Variants in PTPRM observed in about 807,000 individuals in gnomAD.
The protein encoded by PTPRM is protein tyrosine phosphatase receptor type M.
Under a neutral mutation model 186.7 loss-of-function variants are expected in PTPRM, and 47 were observed. The ratio of observed to expected loss-of-function variants is 0.25; its 90% CI spans 0.20 to 0.32. The LOEUF (loss-of-function observed/expected upper bound fraction) is 0.32. PTPRM is among the 10% of genes least tolerant of loss of function. PTPRM has a pLI of 1.00. For synonymous variants in PTPRM, 668 were observed against 674.9 expected (o/e 0.99, Z 0.16); for missense variants, 1,494 against 1,865.0 (o/e 0.80, Z 3.66).
intron 14 of PTPRM, among the ~76,000 whole-genome samples, chr18:8,189,806 C>A (rs916552385): frequency 6.6e-6 from 1 of 152,176 alleles, no homozygotes; most frequent in African/African-American, 2.4e-5. Context: ...CTTTTAAAAT[C>A]CAACAAGATA....
chr18:7,910,986 G>A (rs1043690576), intron 4 of PTPRM, among the ~76,000 whole-genome samples: 5 of 152,190 alleles, frequency 3.3e-5, no homozygotes, highest in African/African-American at 1.2e-4. Flanking sequence ...TGTTGTTCCT[G>A]TAGATTTGCT....
At chr18:7,983,939 A>G (rs1257683818) in intron 7 of PTPRM, among the ~76,000 whole-genome samples, 1 of 152,232 alleles carries the variant, frequency 6.6e-6, no homozygotes, top group African/African-American at 2.4e-5. Flanking sequence ...ATTTTCATCC[A>G]TAATGCTAAA....
intron 1 of PTPRM, among the ~76,000 whole-genome samples, chr18:7,694,000 C>T (rs1335805288): frequency 1.3e-5 from 2 of 152,180 alleles, no homozygotes; most frequent in South Asian, 4.1e-4. Flanking sequence ...TACCTGACTA[C>T]TACTCAGTAG....
At chr18:8,037,110 G>A (rs1407783690) in intron 7 of PTPRM, among the ~76,000 whole-genome samples, 1 of 152,148 alleles carries the variant, frequency 6.6e-6, no homozygotes, top group Admixed American at 6.5e-5. Flanking sequence ...AATATATGAA[G>A]TTGAATAAAA....
rs1286458340 is a variant in PTPRM, at chr18:8,314,827, C to T, written c.2889C>T (p.Asn963=). 1.9e-6 allele frequency: 3 copies of T among 1,609,920 alleles called. No individual in the cohort carries two copies. Among genetic ancestry groups the T allele is most frequent in the African/African-American group, 1.3e-5 (1 of 74,930 alleles). ...VRLQTIEGDT[N]SDYINGNYID... ...TGCAGACAATAGAAGGAGACACAAA[C>T]TCAGACTATATCAATGGCAATTATA... Residue 963 remains asparagine (N), a synonymous_variant, in exon 21 of 33, where the codon AAC becomes AAT. Transcript: ENST00000580170.
chr18:7,846,616 T>C (rs1327170711), intron 2 of PTPRM, among the ~76,000 whole-genome samples: 4 of 152,240 alleles, frequency 2.6e-5, no homozygotes, highest in Non-Finnish European at 5.9e-5. Flanking sequence ...TTTGTGTTCC[T>C]GGGTTCCCCA....
chr18:7,800,054 C>T (rs1320773959), intron 2 of PTPRM, among the ~76,000 whole-genome samples: 1 of 152,102 alleles, frequency 6.6e-6, no homozygotes, highest in Non-Finnish European at 1.5e-5. Context: ...GGGCATCTTA[C>T]AAATATGAAT....
chr18:7,947,562 C>T (rs1156867668), intron 5 of PTPRM, among the ~76,000 whole-genome samples: 2 of 152,184 alleles, frequency 1.3e-5, no homozygotes, highest in African/African-American at 2.4e-5. Context: ...TCCCTGAGCA[C>T]ACAGGTGCTT....
chr18:8,086,889 T>C (rs1364789380), intron 10 of PTPRM, among the ~76,000 whole-genome samples: 2 of 152,164 alleles, frequency 1.3e-5, no homozygotes, highest in Admixed American at 1.3e-4. Flanking sequence ...TGAAATTTAA[T>C]ACACTTGATA....
intron 14 of PTPRM, among the ~76,000 whole-genome samples, chr18:8,220,262 A>G (rs116468860): frequency 6.6e-6 from 1 of 152,218 alleles, no homozygotes; most frequent in African/African-American, 2.4e-5. Context: ...TCCGAACTTT[A>G]AAGTATTTTT....
At chr18:7,909,983 A>G (rs143536413) in intron 4 of PTPRM, among the ~76,000 whole-genome samples, 223 of 152,314 alleles carry the variant, frequency 1.5e-3, no homozygotes, top group African/African-American at 5.1e-3. Context: ...GTAAGAAAAG[A>G]AGCATTTTAT....
chr18:8,378,533 C>T (rs531850882), intron 27 of PTPRM, 119 bp downstream of exon 27: 106 of 1,249,644 alleles, frequency 8.5e-5, no homozygotes, highest in South Asian at 6.4e-4. Context: ...TAGCACTGTT[C>T]GTATTCAGGG....
chr18:8,382,759 A>G (rs371419942), intron 29 of PTPRM, among the ~76,000 whole-genome samples: 23 of 152,356 alleles, frequency 1.5e-4, no homozygotes, highest in Admixed American at 4.6e-4. Flanking sequence ...ACTGAAAACT[A>G]TCCTGCAATC....
chr18:8,300,777 A>G (rs1276497777), intron 20 of PTPRM, among the ~76,000 whole-genome samples: 9 of 152,002 alleles, frequency 5.9e-5, no homozygotes, highest in Admixed American at 5.9e-4. Flanking sequence ...TTATTTTTGT[A>G]TCTTTCTAGG....
At chr18:7,642,173 TAG>T (rs2144187573) in intron 1 of PTPRM, among the ~76,000 whole-genome samples, 1 of 152,268 alleles carries the variant, frequency 6.6e-6, no homozygotes, top group African/African-American at 2.4e-5. Flanking sequence ...TGTACCAAAA[TAG>T]AGAGTGCCCT....
At chr18:7,889,075 G>C (rs1209229226) in intron 3 of PTPRM, among the ~76,000 whole-genome samples, 1 of 152,052 alleles carries the variant, frequency 6.6e-6, no homozygotes, top group African/African-American at 2.4e-5. Context: ...GTTTACCCAG[G>C]TAACAAACCT....
At chr18:8,326,505 G>A (rs2095377280) in intron 22 of PTPRM, among the ~76,000 whole-genome samples, 1 of 152,186 alleles carries the variant, frequency 6.6e-6, no homozygotes, top group African/African-American at 2.4e-5. Flanking sequence ...GAACAAAGCT[G>A]GAGGCATCAC....
intron 1 of PTPRM, among the ~76,000 whole-genome samples, chr18:7,716,934 A>G (rs1045022958): frequency 4.0e-5 from 6 of 151,810 alleles, no homozygotes; most frequent in Non-Finnish European, 7.4e-5. Flanking sequence ...CCTAGAAACT[A>G]GAAAACCATT....
chr18:8,394,586 A>G lies in PTPRM; in HGVS notation c.4319A>G (p.Asn1440Ser). The G allele has an allele frequency of 6.2e-7, 1 of 1,612,404 alleles. No homozygotes were observed. Among genetic ancestry groups the G allele is most frequent in the Non-Finnish European group, 8.5e-7 (1 of 1,179,206 alleles). Reference protein sequence around the residue: ...VFHAVKTLRNNKPNMVDLLDQ... With the variant: ...VFHAVKTLRNSKPNMVDLLDQ... ...CACGCTGTGAAGACACTGAGGAACA[A>G]CAAGCCCAACATGGTCGACCTCCTG... Residue 1440 changes from asparagine to serine, a missense_variant, in exon 32 of 33, where the codon AAC (asparagine) becomes AGC (serine). Physicochemically the swap from Asn to Ser is conservative, Grantham distance 46 (BLOSUM62 1). Around this residue, in one of 3 missense-constraint regions of PTPRM, gnomAD observed 1,107 missense variants for 1,350.2 expected, o/e 0.82. Coordinates refer to ENST00000580170, the MANE Select transcript of PTPRM (RefSeq NM_001105244.2).
Sources: allele counts gnomAD v4.1 joint callset (sites outside exome capture counted in the v4.1 genomes callset), GRCh38; gene constraint gnomAD v4.1.1; regional missense constraint gnomAD v4.1.1; transcripts MANE v1.5; gene names NCBI Gene and HGNC (gene_info 2026-07-23, HGNC 2026-07-21).